Variants in NRXN1 observed in about 807,000 individuals in gnomAD.
NRXN1 encodes the protein neurexin-1.
Under a neutral mutation model 150.9 loss-of-function variants are expected in NRXN1, and 39 were observed. That is an observed-to-expected ratio of 0.26 (90% CI 0.20 to 0.34). The LOEUF (loss-of-function observed/expected upper bound fraction) is 0.34, where lower values mean the gene tolerates loss of function less well. Ranked by LOEUF, NRXN1 falls within the 10% of genes least tolerant of loss-of-function variation. The pLI is 1.00. For missense variants in NRXN1, 1,815 were observed against 1,949.9 expected (o/e 0.93, Z 1.30); for synonymous variants, 924 against 757.0 (o/e 1.22, Z -3.62).
At chr2:50,285,521 A>C (rs1486163063) in intron 17 of NRXN1, among the ~76,000 whole-genome samples, 1 of 152,188 alleles carries the variant, frequency 6.6e-6, no homozygotes, top group South Asian at 2.1e-4. Flanking sequence ...ACCCAGAGCA[A>C]ACCCCTGCAA....
chr2:50,318,513 G>C (rs183628545), intron 17 of NRXN1, among the ~76,000 whole-genome samples: 4 of 152,144 alleles, frequency 2.6e-5, no homozygotes, highest in Admixed American at 2.6e-4. Context: ...GTTTGTAAGA[G>C]CAAACACTCA....
At chr2:50,285,129 C>T (rs1291197800) in intron 17 of NRXN1, among the ~76,000 whole-genome samples, 1 of 152,106 alleles carries the variant, frequency 6.6e-6, no homozygotes, top group East Asian at 1.9e-4. Context: ...GTTTGCAATG[C>T]AAAAATTCTA....
intron 5 of NRXN1, among the ~76,000 whole-genome samples, chr2:50,844,143 G>T (rs998607221): frequency 3.3e-5 from 5 of 152,112 alleles, no homozygotes; most frequent in Non-Finnish European, 7.4e-5. Flanking sequence ...TGCAAGATCG[G>T]GTGTCTGGTG....
chr2:50,343,699 G>A (rs1172269652), intron 17 of NRXN1, among the ~76,000 whole-genome samples: 2 of 152,210 alleles, frequency 1.3e-5, no homozygotes, highest in African/African-American at 4.8e-5. Context: ...TAGTGCAAAT[G>A]AAGCATGGCA....
intron 17 of NRXN1, among the ~76,000 whole-genome samples, chr2:50,375,741 C>T (rs941328477): frequency 2.3e-4 from 34 of 151,014 alleles, no homozygotes; most frequent in Admixed American, 8.6e-4. Flanking sequence ...AGTAATAATG[C>T]GATATGATAT....
intron 18 of NRXN1, among the ~76,000 whole-genome samples, chr2:50,186,674 A>G (rs2061094179): frequency 6.6e-6 from 1 of 152,066 alleles, no homozygotes; most frequent in Non-Finnish European, 1.5e-5. Context: ...TGCATCATGT[A>G]TGCTTTACTC....
intron 5 of NRXN1, among the ~76,000 whole-genome samples, chr2:50,712,737 C>T (rs1004863444): frequency 1.3e-5 from 2 of 152,154 alleles, no homozygotes; most frequent in African/African-American, 4.8e-5. Context: ...CTCCCCTGCC[C>T]TGTGAGCTTG....
At chr2:50,457,746 A>G (rs60088883) in intron 17 of NRXN1, among the ~76,000 whole-genome samples, 1,876 of 152,212 alleles carry the variant, frequency 0.012, 44 homozygotes, top group African/African-American at 0.044. Flanking sequence ...AAATGCAAAA[A>G]TCACATTAAG....
chr2:50,553,071 T>C, intron 8 of NRXN1, 46 bp from the exon 9 acceptor site: 2 of 1,353,412 alleles, frequency 1.5e-6, no homozygotes, highest in East Asian at 4.6e-5. Flanking sequence ...CATATTTTAA[T>C]ATCTGAAACT....
intron 17 of NRXN1, among the ~76,000 whole-genome samples, chr2:50,299,831 T>C (rs2073991312): frequency 6.6e-6 from 1 of 152,186 alleles, no homozygotes; most frequent in East Asian, 1.9e-4. Flanking sequence ...AAACAGTCTA[T>C]AATCCATTAA....
chr2:50,971,332 C>T (rs1384553409), intron 2 of NRXN1, among the ~76,000 whole-genome samples: 1 of 152,106 alleles, frequency 6.6e-6, no homozygotes, highest in East Asian at 1.9e-4. Flanking sequence ...CACCTGTAAT[C>T]CCAGCACTTT....
chr2:50,268,684 A>G (rs967857312), intron 17 of NRXN1, among the ~76,000 whole-genome samples: 3 of 152,180 alleles, frequency 2.0e-5, no homozygotes, highest in Non-Finnish European at 4.4e-5. Context: ...TTAGCACTTC[A>G]AATGAAATAT....
chr2:50,829,449 C>T (rs1242137222), intron 5 of NRXN1: 10 of 1,536,332 alleles, frequency 6.5e-6, no homozygotes, highest in Non-Finnish European at 9.0e-6. Context: ...TTTCCCTTTG[C>T]TGATGTAGCC....
At chr2:50,820,299 C>T (rs1669537948) in intron 5 of NRXN1, among the ~76,000 whole-genome samples, 1 of 152,092 alleles carries the variant, frequency 6.6e-6, no homozygotes, top group East Asian at 1.9e-4. Context: ...AATCATCTCA[C>T]TGTTACCTTA....
At chr2:50,538,768 CT>C in intron 9 of NRXN1, 132 bp from the exon 10 acceptor site, 1 of 701,160 alleles carries the variant, frequency 1.4e-6, no homozygotes, top group Non-Finnish European at 2.1e-6. Flanking sequence ...TCTGTCCTCA[CT>C]TTTTGGTATT....
intron 5 of NRXN1, among the ~76,000 whole-genome samples, chr2:50,884,535 C>A (rs1317513603): frequency 2.0e-5 from 3 of 151,634 alleles, no homozygotes; most frequent in African/African-American, 7.3e-5. Flanking sequence ...GACTAAATAT[C>A]TTACTAGAGA....
intron 18 of NRXN1, among the ~76,000 whole-genome samples, chr2:50,186,673 T>C (rs1402754770): frequency 1.3e-5 from 2 of 152,220 alleles, no homozygotes; most frequent in East Asian, 3.9e-4. Context: ...GTGCATCATG[T>C]ATGCTTTACT....
intron 19 of NRXN1, 67 bp from the exon 20 acceptor site, chr2:50,055,111 T>A: frequency 1.8e-6 from 2 of 1,097,936 alleles, no homozygotes; most frequent in Non-Finnish European, 2.6e-6. Flanking sequence ...AGTTAATACT[T>A]AAAGATTGAG....
intron 2 of NRXN1, among the ~76,000 whole-genome samples, chr2:50,958,052 T>C (rs909736243): frequency 1.3e-5 from 2 of 152,186 alleles, no homozygotes; most frequent in African/African-American, 2.4e-5. Context: ...CAGAATCCTC[T>C]GTTTATTTGT....
Sources: allele counts gnomAD v4.1 joint callset (sites outside exome capture counted in the v4.1 genomes callset), GRCh38; gene constraint gnomAD v4.1.1; transcripts MANE v1.5; gene names NCBI Gene and HGNC (gene_info 2026-07-23, HGNC 2026-07-21).